The following ZNF44 variants were observed in gnomAD, a reference collection of about 807,000 sequenced individuals.
ZNF44 encodes gonadotropin inducible transcription repressor-2.
A neutral mutation model predicts 11.7 loss-of-function variants in ZNF44; 9 were observed. That is an observed-to-expected ratio of 0.77 (90% confidence interval 0.46 to 1.35). ZNF44 has a LOEUF of 1.35. Among genes scored for constraint, ZNF44 ranks in the 40% most tolerant of loss-of-function variants. The pLI is 0.00. For missense variants in ZNF44, 696 were observed against 743.1 expected, an observed-to-expected ratio of 0.94 and a Z score of 0.74; for synonymous variants, 224 against 242.7, an observed-to-expected ratio of 0.92 and a Z score of 0.72.
intron 1 of ZNF44, among the ~76,000 whole-genome samples, chr19:12,292,453 A>C (rs1968047191): frequency 6.6e-6 from 1 of 152,160 alleles, no homozygotes; most frequent in Admixed American, 6.5e-5. Context: ...TACAGTTAAT[A>C]AAAAATTAAA....
chr19:12,277,389 TAGAC>T (rs1215173048), intron 1 of ZNF44, among the ~76,000 whole-genome samples: 1 of 152,242 alleles, frequency 6.6e-6, no homozygotes, highest in Non-Finnish European at 1.5e-5. Context: ...CAAATGTTCT[TAGAC>T]AGAATTCAGT....
intron 5 of ZNF44, among the ~76,000 whole-genome samples, chr19:12,255,643 A>T (rs1917219419): frequency 6.6e-6 from 1 of 152,182 alleles, no homozygotes; most frequent in Admixed American, 6.5e-5. Flanking sequence ...CAGCATTTCT[A>T]TTCAACATGG....
At chr19:12,274,201 T>C in intron 3 of ZNF44, 138 bp from the exon 4 acceptor site, 1 of 676,688 alleles carries the variant, frequency 1.5e-6, no homozygotes, top group Non-Finnish European at 2.4e-6. Flanking sequence ...GGACTGAATG[T>C]TGTGCAAGAT....
chr19:12,240,269 C>T (rs1170940641), upstream of ZNF44, among the ~76,000 whole-genome samples: 1 of 151,742 alleles, frequency 6.6e-6, no homozygotes, highest in African/African-American at 2.4e-5. Flanking sequence ...CACGGTGAAA[C>T]CCCGTCTCTA....
chr19:12,234,885 T>C (rs1401342901), exon 2 of ZNF44: 1 of 152,268 alleles, frequency 6.6e-6, no homozygotes, highest in African/African-American at 2.4e-5. Flanking sequence ...TGAAGCGGTG[T>C]CATTGTCTCG....
exon 7 of ZNF44, chr19:12,249,992 CT>C: frequency 7.8e-7 from 1 of 1,286,338 alleles, no homozygotes; most frequent in Non-Finnish European, 1.0e-6. Flanking sequence ...GATTTCTCCC[CT>C]GGTTTTTGTA....
intron 5 of ZNF44, among the ~76,000 whole-genome samples, chr19:12,259,938 C>G (rs977923014): frequency 3.9e-5 from 6 of 152,148 alleles, no homozygotes; most frequent in South Asian, 4.1e-4. Flanking sequence ...CTGTTCCCCA[C>G]CTTCCCTCCC....
intron 5 of ZNF44, among the ~76,000 whole-genome samples, chr19:12,259,639 C>T (rs1174799323): frequency 6.6e-6 from 1 of 151,744 alleles, no homozygotes; most frequent in African/African-American, 2.4e-5. Flanking sequence ...ATTTTTTTTC[C>T]CCACCAGAGA....
chr19:12,251,197 G>A (rs1916977241), intron 5 of ZNF44, among the ~76,000 whole-genome samples: 1 of 152,022 alleles, frequency 6.6e-6, no homozygotes. Context: ...TGGGTGTGGT[G>A]GTGCATGCCT....
intron 1 of ZNF44, among the ~76,000 whole-genome samples, chr19:12,276,938 AT>A (rs1036290503): frequency 1.1e-3 from 175 of 152,322 alleles, no homozygotes; most frequent in African/African-American, 4.1e-3. Flanking sequence ...CAGAGTCCCC[AT>A]CAGCAAGAAG....
At chr19:12,246,986 T>C (rs558774191), downstream of ZNF44, among the ~76,000 whole-genome samples, 58 of 151,832 alleles carry the variant, frequency 3.8e-4, no homozygotes, top group African/African-American at 1.2e-3. Flanking sequence ...CTGGGCAAGA[T>C]AATGTTGCCT....
chr19:12,276,390 A>G (rs530096176), intron 1 of ZNF44, among the ~76,000 whole-genome samples: 134 of 152,336 alleles, frequency 8.8e-4, no homozygotes, highest in African/African-American at 3.2e-3. Flanking sequence ...TTGTCATGAC[A>G]AAGTCCTACC....
chr19:12,277,435 T>C (rs1439546242), intron 1 of ZNF44, among the ~76,000 whole-genome samples: 2 of 152,252 alleles, frequency 1.3e-5, no homozygotes, highest in African/African-American at 4.8e-5. Context: ...TTATATTCCA[T>C]AAATCTCAAC....
chr19:12,246,942 G>T (rs1916782688), downstream of ZNF44, among the ~76,000 whole-genome samples: 2 of 151,982 alleles, frequency 1.3e-5, no homozygotes, highest in African/African-American at 4.8e-5. Context: ...TGAGGTGGGA[G>T]GATTACTTGA....
chr19:12,286,107 TCAAA>T (rs775407974), intron 1 of ZNF44, among the ~76,000 whole-genome samples: 3 of 152,186 alleles, frequency 2.0e-5, no homozygotes, highest in Non-Finnish European at 4.4e-5. Context: ...TTAGCATGTG[TCAAA>T]CAGATTGAGG....
At chr19:12,263,924 C>CAAA (rs796313617) in intron 5 of ZNF44, among the ~76,000 whole-genome samples, 2 of 105,368 alleles carry the variant, frequency 1.9e-5, no homozygotes, top group Admixed American at 9.9e-5. Flanking sequence ...GACTCCGTCT[C>CAAA]AAAAAAAAAA....
At chr19:12,267,043 CTTTT>C (rs560631225), downstream of ZNF44, among the ~76,000 whole-genome samples, 11 of 139,806 alleles carry the variant, frequency 7.9e-5, no homozygotes, top group East Asian at 2.3e-3. Context: ...TTTCTTTTTT[CTTTT>C]TTTTTTTTTT....
At position 12,275,968 on chromosome 19, in the gene ZNF44, G is replaced by A; in HGVS notation, c.118C>T (p.Leu40=). ...ATGTCATCCATACCTATACAGTTCA[G>A]GTTCCTAATGGTTTCTCGCATCACA... ...RDVMRETIRN[L]NCIGMKWENQ... The change falls in exon 2 of 4, where the codon CTG becomes TTG. Residue 40 remains leucine (L), a synonymous_variant. Transcript: ENST00000355684. 1 of 1,604,732 alleles carries A rather than the reference G, an allele frequency of 6.2e-7. No homozygotes were observed.
chr19:12,293,850 A>T (rs1408182430), intron 1 of ZNF44, among the ~76,000 whole-genome samples: 1 of 151,328 alleles, frequency 6.6e-6, no homozygotes, highest in African/African-American at 2.4e-5. Flanking sequence ...CCACACACAA[A>T]CCCCACACAC....
Sources: allele counts gnomAD v4.1 joint callset (sites outside exome capture counted in the v4.1 genomes callset), GRCh38; gene constraint gnomAD v4.1.1; transcripts MANE v1.5; gene names NCBI Gene and HGNC (gene_info 2026-07-23, HGNC 2026-07-21).